CLCN5: variants seen among roughly 807,000 people sequenced by gnomAD.
CLCN5 encodes the protein Cl-/H+ antiporter 5.
In CLCN5, 17 loss-of-function variants were observed where a neutral mutation model predicts 54.0. The ratio of observed to expected loss-of-function variants is 0.31; its 90% CI spans 0.22 to 0.47. CLCN5 has a LOEUF of 0.47. Among genes scored for constraint, CLCN5 ranks in the 20% least tolerant of loss-of-function variants. The pLI is 1.00. For synonymous variants in CLCN5, 222 were observed against 233.0 expected, an observed-to-expected ratio of 0.95 and a Z score of 0.43; for missense variants, 448 against 646.7, an observed-to-expected ratio of 0.69 and a Z score of 3.33.
rs1243914760 is a variant in CLCN5, at chrX:49,979,451, C to T, written c.16+54137C>T. On this transcript the variant is annotated intron_variant, in intron 3 of 14. Transcript: ENST00000376091. Reference sequence around the variant, plus strand: ...ACTTGTCTATAAGTCTCGTATATTGCTCATTTCTGTGTATCACAGGGTAGT... The same window carrying T: ...ACTTGTCTATAAGTCTCGTATATTGTTCATTTCTGTGTATCACAGGGTAGT... Among the ~76,000 whole-genome samples, 21 of 111,778 alleles carry T rather than the reference C, an allele frequency of 1.9e-4. No individual in the cohort carries two copies. The Admixed American group carries it at 2.0e-3, about 11-fold the overall frequency.
intron 4 of CLCN5, among the ~76,000 whole-genome samples, chrX:50,053,091 T>C (rs1402892834): frequency 8.9e-6 from 1 of 111,866 alleles, no homozygotes; most frequent in East Asian, 2.8e-4. Context: ...GTGTGTTTTG[T>C]GGCCCAGGAT....
intron 6 of CLCN5, among the ~76,000 whole-genome samples, chrX:50,075,051 A>G (rs1416974833): frequency 8.9e-6 from 1 of 111,866 alleles, no homozygotes; most frequent in Non-Finnish European, 1.9e-5. Flanking sequence ...TCTTTGGTGA[A>G]TGTTCTGTGT....
rs1000127308 is a variant in CLCN5 at position 50,093,815 on chromosome X, C to T, written c.*1596C>T. 8.9e-6 allele frequency: 1 copy of T among 112,136 alleles called. No individual in the cohort carries two copies. The highest frequency in any genetic ancestry group is 1.9e-5 in the Non-Finnish European group (1 of 53,281). 9.2% of individuals were successfully genotyped at this position (112,136 alleles called of 1,213,427 possible). A position where few individuals can be genotyped will look rare whatever the true frequency, so the allele number is the denominator to read the frequency against. On this transcript the variant is annotated 3_prime_UTR_variant, in exon 15 of 15. Transcript: ENST00000376091. ...TGTAAACCAAGGCTCAGCAGTCTCACAACACATGGACCAGAGGTGACACAC... is the reference window on the plus strand; with the variant it reads ...TGTAAACCAAGGCTCAGCAGTCTCATAACACATGGACCAGAGGTGACACAC...
intron 3 of CLCN5, among the ~76,000 whole-genome samples, chrX:49,949,863 A>G (rs1167729004): frequency 3.6e-5 from 4 of 111,762 alleles, no homozygotes; most frequent in South Asian, 3.7e-4. Context: ...TCTGTATAAC[A>G]TCTTTTCTGC....
intron 6 of CLCN5, among the ~76,000 whole-genome samples, chrX:50,074,782 A>T (rs1294404212): frequency 8.9e-6 from 1 of 111,939 alleles, no homozygotes; most frequent in Non-Finnish European, 1.9e-5. Flanking sequence ...TAAGCATTGG[A>T]GAGCAACAAT....
chrX:49,967,510 T>A (rs782124913), intron 3 of CLCN5, among the ~76,000 whole-genome samples: 1 of 92,970 alleles, frequency 1.1e-5, no homozygotes, highest in East Asian at 3.0e-4. Flanking sequence ...GCTGGTTCAA[T>A]ATACGCAAAT....
intron 3 of CLCN5, among the ~76,000 whole-genome samples, chrX:50,017,796 T>A (rs903568592): frequency 9.0e-6 from 1 of 111,692 alleles, no homozygotes; most frequent in African/African-American, 3.2e-5. Flanking sequence ...TGACTATATT[T>A]TTGTGGGTAT....
At chrX:50,062,070 C>A (rs1256623370) in intron 4 of CLCN5, among the ~76,000 whole-genome samples, 2 of 106,703 alleles carry the variant, frequency 1.9e-5, no homozygotes, top group East Asian at 5.8e-4. Context: ...AATGTAAAGA[C>A]CATCGAGACT....
chrX:50,025,824 G>C (rs1569538972), intron 3 of CLCN5, among the ~76,000 whole-genome samples: 1 of 111,080 alleles, frequency 9.0e-6, no homozygotes, highest in Non-Finnish European at 1.9e-5. Context: ...TCTTTTCAAC[G>C]AGCCAGCTTT....
chrX:49,935,688 G>A lies in CLCN5; in HGVS notation c.16+10374G>A, dbSNP rs574461906. On this transcript the variant is annotated intron_variant, in intron 3 of 14. Coordinates refer to ENST00000376091, the MANE Select transcript of CLCN5 (RefSeq NM_001127898.4). ...GAGGAGTTATCCACGCAAAGAGTTG[G>A]GGGAACAGCATCCCAGGCAGAGGAG... Among the ~76,000 whole-genome samples the A allele has an allele frequency of 1.8e-4, 20 of 111,487 alleles. No homozygotes were observed. The South Asian group carries it at 7.3e-3, about 40-fold the overall frequency.
chrX:49,952,022 G>A (rs1927064646), intron 3 of CLCN5, among the ~76,000 whole-genome samples: 1 of 112,436 alleles, frequency 8.9e-6, no homozygotes, highest in Non-Finnish European at 1.9e-5. Flanking sequence ...CTGTGCATAT[G>A]TTTCTAGTTA....
At position 50,086,610 on chromosome X, in the gene CLCN5, G is replaced by A. The variant is rs140514551; in HGVS notation, c.1297G>A (p.Val433Met). The change falls in exon 11 of 15, where the codon GTG (valine) becomes ATG (methionine). Residue 433 changes from valine to methionine, a missense_variant. By Grantham distance (21) the Val-to-Met change is conservative (BLOSUM62 1). Around this residue, in one of 5 missense-constraint regions of CLCN5, gnomAD observed 297 missense variants for 470.4 expected, o/e 0.63. Transcript: ENST00000376091. Reference sequence around the variant, plus strand: ...GTATCCTGTTATAGAGGTACTCGTCGTGACAGCCATCACTGCCATCCTGGC... The same window carrying A: ...GTATCCTGTTATAGAGGTACTCGTCATGACAGCCATCACTGCCATCCTGGC... Reference protein sequence around the residue: ...GKYPVIEVLVVTAITAILAFP... With the variant: ...GKYPVIEVLVMTAITAILAFP... 4.2e-5 allele frequency: 51 copies of A among 1,208,525 alleles called. No homozygotes were observed. The African/African-American group carries it at 5.8e-4, about 14-fold the overall frequency.
At chrX:50,090,921 G>A in intron 14 of CLCN5, 35 bp downstream of exon 14, 1 of 1,085,152 alleles carries the variant, frequency 9.2e-7, no homozygotes. Flanking sequence ...ATTGAATTGT[G>A]GGAGAAAGAG....
At chrX:50,054,332 T>C (rs1028950005) in intron 4 of CLCN5, 1 of 111,497 alleles carries the variant, frequency 9.0e-6, no homozygotes, top group Non-Finnish European at 1.9e-5. Flanking sequence ...GGAATGTCCT[T>C]CTCCCAACTG....
intron 3 of CLCN5, among the ~76,000 whole-genome samples, chrX:49,970,010 T>A (rs920849543): frequency 8.1e-5 from 9 of 111,713 alleles, no homozygotes; most frequent in Admixed American, 1.9e-4. Flanking sequence ...ACCTTTTTTA[T>A]TCATGGTAAC....
intron 3 of CLCN5, among the ~76,000 whole-genome samples, chrX:49,937,791 T>C (rs1284530739): frequency 4.5e-5 from 5 of 111,977 alleles, no homozygotes; most frequent in Non-Finnish European, 9.4e-5. Context: ...GTTTAAATGT[T>C]GCAAGTGAAT....
At chrX:50,070,467 ATC>A (rs1933183686) in intron 5 of CLCN5, among the ~76,000 whole-genome samples, 1 of 111,941 alleles carries the variant, frequency 8.9e-6, no homozygotes, top group Non-Finnish European at 1.9e-5. Flanking sequence ...TTCCCATATA[ATC>A]TCTCTTTTAT....
At chrX:50,000,342 G>A (rs887236622) in intron 3 of CLCN5, among the ~76,000 whole-genome samples, 1 of 109,625 alleles carries the variant, frequency 9.1e-6, no homozygotes, top group African/African-American at 3.3e-5. Context: ...CCAATTGGGA[G>A]GTTATTACAA....
rs1186772837 is a variant in CLCN5 at position 50,081,652 on chromosome X, C to A, written c.738C>A (p.Ile246=). ...CGSGIPEIKT[I]LSGFIIRGYL... is the part of the protein sequence containing the mutation. ...TGTTTAACCTGCAGATAAAAACTAT[C>A]TTGAGTGGTTTCATTATTAGGGGCT... is the stretch of plus-strand genomic sequence containing the variant. Residue 246 remains isoleucine (I), a synonymous_variant, in exon 9 of 15, where the codon ATC becomes ATA. Coordinates refer to ENST00000376091, the MANE Select transcript of CLCN5 (RefSeq NM_001127898.4). 54 of 1,202,189 alleles carry A rather than the reference C, an allele frequency of 4.5e-5. No homozygotes were observed. The highest frequency in any genetic ancestry group is 5.9e-5 in the Non-Finnish European group (52 of 888,401).
Sources: allele counts gnomAD v4.1 joint callset (sites outside exome capture counted in the v4.1 genomes callset), GRCh38; gene constraint gnomAD v4.1.1; regional missense constraint gnomAD v4.1.1; transcripts MANE v1.5; gene names NCBI Gene and HGNC (gene_info 2026-07-23, HGNC 2026-07-21).